Variants in UNC5D observed in about 807,000 individuals in gnomAD.
The protein encoded by UNC5D is unc-5 netrin receptor D.
UNC5D carries 39 observed loss-of-function variants against 105.4 expected under a neutral mutation model. The ratio of observed to expected loss-of-function variants is 0.37; its 90% CI spans 0.29 to 0.48. UNC5D has a LOEUF of 0.48. UNC5D is among the 20% of genes least tolerant of loss of function. The pLI, the probability that UNC5D is intolerant of heterozygous loss-of-function variation, is 0.98. For synonymous variants in UNC5D, 452 were observed against 450.4 expected, an observed-to-expected ratio of 1.00 and a Z score of -0.04; for missense variants, 991 against 1,202.4, an observed-to-expected ratio of 0.82 and a Z score of 2.60.
chr8:35,741,236 C>A (rs2131607537), intron 11 of UNC5D, among the ~76,000 whole-genome samples: 1 of 152,298 alleles, frequency 6.6e-6, no homozygotes, highest in African/African-American at 2.4e-5. Context: ...AGCCGTTTAA[C>A]ATATGCAAAC....
chr8:35,719,045 G>C (rs1216039756), intron 8 of UNC5D, among the ~76,000 whole-genome samples: 1 of 152,060 alleles, frequency 6.6e-6, no homozygotes, highest in Non-Finnish European at 1.5e-5. Flanking sequence ...CCAGGAATGA[G>C]GGGCGGAGGC....
intron 1 of UNC5D, chr8:35,255,118 T>G (rs570004960): frequency 2.6e-4 from 39 of 152,296 alleles, no homozygotes; most frequent in African/African-American, 9.4e-4. Flanking sequence ...TGGTTTCTCT[T>G]AGTCGCCACC....
At position 35,500,590 on chromosome 8, in the gene UNC5D, C is replaced by T. The variant is rs536630477; in HGVS notation, c.104-48702C>T. On this transcript the variant is annotated intron_variant, in intron 1 of 16. Transcript: ENST00000404895. ...ATCCCTGACATCTTTCTTTTCTGAA[C>T]TTCTCACAACACTGTCTGTAAACCA... Among the ~76,000 whole-genome samples the T allele has an allele frequency of 3.9e-5, 6 of 152,260 alleles. No individual in the cohort carries two copies. The East Asian group carries it at 1.2e-3, about 29-fold the overall frequency.
At chr8:35,505,672 C>T (rs1812263192) in intron 1 of UNC5D, among the ~76,000 whole-genome samples, 1 of 152,226 alleles carries the variant, frequency 6.6e-6, no homozygotes, top group South Asian at 2.1e-4. Flanking sequence ...AAAACATCAG[C>T]ATTACTGCAA....
chr8:35,559,844 A>G (rs942111063), intron 2 of UNC5D, among the ~76,000 whole-genome samples: 4 of 152,226 alleles, frequency 2.6e-5, no homozygotes, highest in African/African-American at 9.6e-5. Context: ...TAGACCTGCT[A>G]AGAGTAACTA....
intron 1 of UNC5D, among the ~76,000 whole-genome samples, chr8:35,386,283 A>C (rs1803392831): frequency 6.6e-6 from 1 of 152,180 alleles, no homozygotes; most frequent in Non-Finnish European, 1.5e-5. Flanking sequence ...TCCAACAAGG[A>C]ATTATTAAAA....
chr8:35,298,483 C>G (rs1038369183), intron 1 of UNC5D, among the ~76,000 whole-genome samples: 1 of 151,296 alleles, frequency 6.6e-6, no homozygotes, highest in Non-Finnish European at 1.5e-5. Context: ...GACACTTTAA[C>G]AAAACACAAT....
At chr8:35,496,103 G>A (rs1563472947) in intron 1 of UNC5D, among the ~76,000 whole-genome samples, 1 of 152,142 alleles carries the variant, frequency 6.6e-6, no homozygotes, top group Non-Finnish European at 1.5e-5. Context: ...CTTAGACTGA[G>A]GGTTCAGTCT....
intron 2 of UNC5D, among the ~76,000 whole-genome samples, chr8:35,564,488 A>G (rs1476839066): frequency 1.3e-5 from 2 of 152,142 alleles, no homozygotes; most frequent in Non-Finnish European, 2.9e-5. Context: ...TTGCCCAGAG[A>G]GGAAAACATA....
intron 16 of UNC5D, among the ~76,000 whole-genome samples, chr8:35,787,912 G>A (rs536365507): frequency 2.0e-5 from 3 of 152,182 alleles, no homozygotes; most frequent in African/African-American, 7.2e-5. Context: ...TAAATAAGAG[G>A]AACTAAGATC....
intron 4 of UNC5D, among the ~76,000 whole-genome samples, chr8:35,640,697 C>A (rs1391050416): frequency 2.6e-5 from 4 of 152,108 alleles, no homozygotes; most frequent in African/African-American, 7.2e-5. Context: ...TCTAAATTCC[C>A]TGAAAACGCA....
chr8:35,244,418 T>A (rs1327449173), intron 1 of UNC5D, among the ~76,000 whole-genome samples: 2 of 152,164 alleles, frequency 1.3e-5, no homozygotes, highest in Non-Finnish European at 2.9e-5. Flanking sequence ...GAAAGAGAAA[T>A]AAATGGATAA....
chr8:35,389,591 T>C (rs902707756), intron 1 of UNC5D, among the ~76,000 whole-genome samples: 1 of 152,168 alleles, frequency 6.6e-6, no homozygotes, highest in African/African-American at 2.4e-5. Flanking sequence ...AAGAACATTA[T>C]GACTTGCTAA....
chr8:35,769,117 C>T (rs1015453324), intron 15 of UNC5D, among the ~76,000 whole-genome samples: 2 of 152,106 alleles, frequency 1.3e-5, no homozygotes, highest in Admixed American at 6.5e-5. Context: ...CATTTGCTTT[C>T]GTATTTGTCA....
At chr8:35,425,896 C>T (rs977233284) in intron 1 of UNC5D, among the ~76,000 whole-genome samples, 1 of 152,110 alleles carries the variant, frequency 6.6e-6, no homozygotes, top group East Asian at 1.9e-4. Context: ...TGGCGTTTAA[C>T]CATTTCAGGG....
At chr8:35,523,151 T>C (rs1813607874) in intron 1 of UNC5D, among the ~76,000 whole-genome samples, 1 of 151,068 alleles carries the variant, frequency 6.6e-6, no homozygotes, top group Admixed American at 6.6e-5. Context: ...GGTGCACTCA[T>C]GGCTCACTGC....
intron 1 of UNC5D, among the ~76,000 whole-genome samples, chr8:35,394,287 T>G (rs1314857459): frequency 6.6e-6 from 1 of 152,176 alleles, no homozygotes; most frequent in Non-Finnish European, 1.5e-5. Context: ...TATACTGACA[T>G]GGGAAGTTGC....
At chr8:35,517,709 G>A (rs1446520898) in intron 1 of UNC5D, among the ~76,000 whole-genome samples, 1 of 152,132 alleles carries the variant, frequency 6.6e-6, no homozygotes, top group Non-Finnish European at 1.5e-5. Context: ...GGGTTATACT[G>A]GTAATGATGG....
rs140186279 is a variant in UNC5D at position 35,480,631 on chromosome 8, A to G, written c.104-68661A>G. Among the ~76,000 whole-genome samples the G allele has an allele frequency of 2.6e-4, 40 of 152,336 alleles. No homozygotes were observed. The East Asian group carries it at 6.9e-3, about 26-fold the overall frequency. ...AGAGTCTGTTCTATGTTTTTAGGAT[A>G]TATCTACAATAAGAATTTACAAAAG... On this transcript the variant is annotated intron_variant, in intron 1 of 16. Coordinates refer to ENST00000404895, the MANE Select transcript of UNC5D (RefSeq NM_080872.4).
Sources: gnomAD v4.1 joint callset for allele counts (sites outside exome capture counted in the v4.1 genomes callset) on GRCh38, gnomAD v4.1.1 for gene constraint, MANE v1.5 for transcripts, NCBI Gene and HGNC (gene_info 2026-07-23, HGNC 2026-07-21) for gene names.